CYP1A1: variants seen among roughly 807,000 people sequenced by gnomAD.
The protein encoded by CYP1A1 is cytochrome P450 1A1.
Under a neutral mutation model 33.6 loss-of-function variants are expected in CYP1A1, and 43 were observed. The observed-to-expected ratio is 1.28, with a 90% CI of 1.00 to 1.65. CYP1A1 has a LOEUF of 1.65. Ranked by LOEUF, CYP1A1 falls within the 40% of genes most tolerant of loss-of-function variation. The pLI is 0.00. For missense variants in CYP1A1, 637 were observed against 653.7 expected (o/e 0.97, Z 0.28); for synonymous variants, 280 against 257.8 (o/e 1.09, Z -0.83).
rs1403767776 is a variant in CYP1A1 at position 74,722,438 on chromosome 15, C to T, written c.660G>A (p.Leu220=). 1.7e-5 allele frequency: 27 copies of T among 1,613,882 alleles called. No individual in the cohort carries two copies. Among genetic ancestry groups the T allele is most frequent in the Non-Finnish European group, 2.2e-5 (26 of 1,179,986 alleles). Residue 220 remains leucine, a synonymous_variant, in exon 2 of 7, where the codon CTG becomes CTA. Transcript: ENST00000379727. Reference sequence around the variant, plus strand: ...CAACCACCTCCCCGAAATTATTATTCAGGTTGACTAGGCTAAGCAGTTCTT... The same window carrying T: ...CAACCACCTCCCCGAAATTATTATTTAGGTTGACTAGGCTAAGCAGTTCTT... ...NHQELLSLVN[L]NNNFGEVVGS...
intron 1 of CYP1A1, 200 bp downstream of exon 1, chr15:74,725,241 G>A (rs1310786993): frequency 6.6e-6 from 1 of 152,422 alleles, no homozygotes; most frequent in Non-Finnish European, 1.5e-5. Flanking sequence ...GGTACCAGCT[G>A]TGGGACCATG....
At position 74,722,317 on chromosome 15, in the gene CYP1A1, A is replaced by T. The variant is rs1203516220; in HGVS notation, c.781T>A (p.Phe261Ile). 3 of 1,613,852 alleles carry T rather than the reference A, an allele frequency of 1.9e-6. No homozygotes were observed. In the Admixed American group the frequency reaches 5.0e-5, roughly 27 times the overall value. Reference protein sequence around the residue: ...FKDLNEKFYSFMQKMVKEHYK... With the variant: ...FKDLNEKFYSIMQKMVKEHYK... ...TGCTCCTTGACCATCTTCTGCATGA[A>T]GCTGTAGAACTTCTCATTCAGGTCC... The change falls in exon 2 of 7, where the codon TTC becomes ATC. Residue 261 changes from phenylalanine (F) to isoleucine (I), a missense_variant. Transcript: ENST00000379727.
At chr15:74,723,645 T>C (rs2063191409) in intron 1 of CYP1A1, among the ~76,000 whole-genome samples, 1 of 152,048 alleles carries the variant, frequency 6.6e-6, no homozygotes, top group African/African-American at 2.4e-5. Flanking sequence ...AAACACATAA[T>C]CAAGGTGTAT....
chr15:74,720,703 A>C lies in CYP1A1; in HGVS notation c.1325T>G (p.Val442Gly), dbSNP rs1292499417. The C allele has an allele frequency of 1.2e-6, 2 of 1,613,928 alleles. No individual in the cohort carries two copies. Among genetic ancestry groups the C allele is most frequent in the African/African-American group, 2.7e-5 (2 of 74,884 alleles). ...FLTPDGAIDK[V>G]LSEKVIIFGM... The stretch of plus-strand genomic sequence containing the variant: ...AAAGATAATCACCTTCTCACTTAAC[A>C]CCTTGTCGATAGCACCATCAGGGGT... Residue 442 changes from valine (V) to glycine (G), a missense_variant, in exon 7 of 7, where the codon GTG becomes GGG. Coordinates refer to ENST00000379727, the MANE Select transcript of CYP1A1 (RefSeq NM_001319217.2).
chr15:74,723,901 C>A (rs1009642985), intron 1 of CYP1A1, among the ~76,000 whole-genome samples: 1 of 152,158 alleles, frequency 6.6e-6, no homozygotes, highest in Admixed American at 6.6e-5. Context: ...TTCCCAGAAC[C>A]CTCAGTTCTC....
chr15:74,721,801 A>G, intron 2 of CYP1A1, 84 bp from the exon 3 acceptor site: 1 of 1,540,148 alleles, frequency 6.5e-7, no homozygotes, highest in Non-Finnish European at 8.8e-7. Flanking sequence ...CACTATTCCT[A>G]GCACATTTGT....
Position 74,720,341 on chromosome 15 carries a change from G to A in CYP1A1, c.*148C>T. 1 of 870,734 alleles carries A rather than the reference G, an allele frequency of 1.1e-6. No homozygotes were observed. The highest frequency in any genetic ancestry group is 1.7e-6 in the Non-Finnish European group (1 of 591,502). 53.9% of individuals were successfully genotyped at this position (870,734 alleles called of 1,614,324 possible). A position where few individuals can be genotyped will look rare whatever the true frequency, so the allele number is the denominator to read the frequency against. On this transcript the variant is annotated 3_prime_UTR_variant, in exon 7 of 7. Coordinates refer to ENST00000379727, the MANE Select transcript of CYP1A1 (RefSeq NM_001319217.2). Reference sequence around the variant, plus strand: ...GGTAGGGGCAGGCAGGATCCCTTAGGCTTGCCCACAGCCCAGATAGCAAAA... The same window carrying A: ...GGTAGGGGCAGGCAGGATCCCTTAGACTTGCCCACAGCCCAGATAGCAAAA...
chr15:74,721,955 C>T (rs2063173945), intron 2 of CYP1A1: 5 of 602,048 alleles, frequency 8.3e-6, no homozygotes, highest in South Asian at 6.3e-5. Context: ...TCTGGATGTG[C>T]TCTTTATCTT....
At chr15:74,724,308 T>G (rs8031941) in intron 1 of CYP1A1, among the ~76,000 whole-genome samples, 2,251 of 152,208 alleles carry the variant, frequency 0.015, 52 homozygotes, top group African/African-American at 0.052. Context: ...AAAAGGGTGT[T>G]TAAATTCATA....
Position 74,721,633 on chromosome 15 carries a change from C to G in CYP1A1, c.910G>C (p.Asp304His). ...LDENANVQLS[D>H]EKIINIVLDL... The stretch of plus-strand genomic sequence containing the variant: ...AAGACGATGTTAATGATCTTCTCAT[C>G]TGACAGCTGGACATTGGCGTTCTCA... The change falls in exon 3 of 7, where the codon GAT becomes CAT. Residue 304 changes from aspartate to histidine, a missense_variant. Asp to His is a moderately conservative substitution (Grantham distance 81, BLOSUM62 -1). Coordinates refer to ENST00000379727, the MANE Select transcript of CYP1A1 (RefSeq NM_001319217.2). 1 of 1,614,072 alleles carries G rather than the reference C, an allele frequency of 6.2e-7. No individual in the cohort carries two copies.
rs142255433 is a variant in CYP1A1 at position 74,722,487 on chromosome 15, C to A, written c.611G>T (p.Gly204Val). ...VTNVICAICF[G>V]RRYDHNHQEL... ...TTGGTGGTTGTGGTCATAGCGCCGG[C>A]CAAAGCAAATGGCACAGATGACATT... Residue 204 changes from glycine to valine, a missense_variant, in exon 2 of 7, where the codon GGC (glycine) becomes GTC (valine). Physicochemically the swap from Gly to Val is moderately radical, Grantham distance 109. Coordinates refer to ENST00000379727, the MANE Select transcript of CYP1A1 (RefSeq NM_001319217.2). The A allele has an allele frequency of 6.2e-7, 1 of 1,613,936 alleles. No individual in the cohort carries two copies. Among genetic ancestry groups the A allele is most frequent in the South Asian group, 1.1e-5 (1 of 91,066 alleles).
In CYP1A1 at chr15:74,722,837, G is replaced by T; in HGVS notation, c.261C>A (p.Ser87Arg). 6.2e-7 allele frequency: 1 copy of T among 1,614,028 alleles called. No individual in the cohort carries two copies. Among genetic ancestry groups the T allele is most frequent in the Non-Finnish European group, 8.5e-7 (1 of 1,180,022 alleles). Residue 87 changes from serine (S) to arginine (R), a missense_variant, in exon 2 of 7, where the codon AGC becomes AGA. Physicochemically the swap from Ser to Arg is moderately radical, Grantham distance 110 (BLOSUM62 -1). Coordinates refer to ENST00000379727, the MANE Select transcript of CYP1A1 (RefSeq NM_001319217.2). ...GGGCCTGCCGGATGGTGTCCAGGCC[G>T]CTCAGCACCACCACGGGTGTGGAGC... ...RIGSTPVVVL[S>R]GLDTIRQALV...
chr15:74,720,875 A>G, intron 6 of CYP1A1, 92 bp downstream of exon 6: 5 of 1,565,148 alleles, frequency 3.2e-6, no homozygotes, highest in Non-Finnish European at 4.4e-6. Context: ...CAAGCAGCCC[A>G]TGGACAGGAG....
Position 74,720,616 on chromosome 15 carries a change from AG to A in CYP1A1, c.1411del (p.Leu471TrpfsTer16). 6.2e-7 allele frequency: 1 copy of A among 1,614,196 alleles called. No individual in the cohort carries two copies. Among genetic ancestry groups the A allele is most frequent in the South Asian group, 1.1e-5 (1 of 91,088 alleles). On this transcript the variant is annotated frameshift_variant, in exon 7 of 7. Coordinates refer to ENST00000379727, the MANE Select transcript of CYP1A1 (RefSeq NM_001319217.2). LOFTEE classifies it high-confidence loss of function. ...TTCCACCCGTTGCAGCAGGATAGCCAGGAAGAGAAAGACCTCCCAGCGGGCA... is the reference window on the plus strand; with the variant it reads ...TTCCACCCGTTGCAGCAGGATAGCCAGAAGAGAAAGACCTCCCAGCGGGCA... ...TIARWEVFLF[L>X]AILLQRVEFS...
rs534233300 is a variant in CYP1A1 at position 74,724,229 on chromosome 15, CA to C, written c.-29-1104del. ...CTGTAAGAAAACCCCAGACTGGAAT[CA>C]GGGAAATCAGGAATGGATCTAAACT... On this transcript the variant is annotated intron_variant, in intron 1 of 6. Coordinates refer to ENST00000379727, the MANE Select transcript of CYP1A1 (RefSeq NM_001319217.2). 2.6e-5 allele frequency among the ~76,000 whole-genome samples: 4 copies of C among 152,248 alleles called. No individual in the cohort carries two copies. The South Asian group carries it at 8.3e-4, about 32-fold the overall frequency.
At chr15:74,723,605 A>C (rs2063191108) in intron 1 of CYP1A1, among the ~76,000 whole-genome samples, 1 of 152,160 alleles carries the variant, frequency 6.6e-6, no homozygotes, top group African/African-American at 2.4e-5. Context: ...TGAAAGTACA[A>C]GTTTGATTTT....
chr15:74,723,849 A>T (rs1424592917), intron 1 of CYP1A1, among the ~76,000 whole-genome samples: 1 of 152,188 alleles, frequency 6.6e-6, no homozygotes, highest in Admixed American at 6.5e-5. Flanking sequence ...CTGCTGTCAC[A>T]TGTACCTCCT....
At chr15:74,723,862 T>A (rs1401891555) in intron 1 of CYP1A1, among the ~76,000 whole-genome samples, 3 of 152,198 alleles carry the variant, frequency 2.0e-5, no homozygotes, top group Non-Finnish European at 4.4e-5. Context: ...TACCTCCTTT[T>A]GAAGAGTGGT....
In CYP1A1 at chr15:74,720,374, C is replaced by A. The variant is rs1169113480; in HGVS notation, c.*115G>T. 19 of 1,235,316 alleles carry A rather than the reference C, an allele frequency of 1.5e-5. No individual in the cohort carries two copies. The highest frequency in any genetic ancestry group is 2.1e-5 in the Non-Finnish European group (19 of 904,440). The allele number at this position is 1,235,316 out of a possible 1,614,324, so 76.5% of individuals were successfully genotyped here. ...ACAGCCCAGATAGCAAAACTGCAGC[C>A]AGATCAGTGTCTATGAGTTTCAGGC... is the stretch of plus-strand genomic sequence containing the variant. On this transcript the variant is annotated 3_prime_UTR_variant, in exon 7 of 7. Transcript: ENST00000379727.
Sources: gnomAD v4.1 joint callset for allele counts (sites outside exome capture counted in the v4.1 genomes callset) on GRCh38, gnomAD v4.1.1 for gene constraint, MANE v1.5 for transcripts, NCBI Gene and HGNC (gene_info 2026-07-23, HGNC 2026-07-21) for gene names.